Variants in GPC5 observed in about 807,000 individuals in gnomAD.
GPC5 encodes glypican-5.
Under a neutral mutation model 53.9 loss-of-function variants are expected in GPC5, and 47 were observed. The ratio of observed to expected loss-of-function variants is 0.87; its 90% CI spans 0.69 to 1.11. The LOEUF (loss-of-function observed/expected upper bound fraction) is 1.11. GPC5 is among the 50% of genes most tolerant of loss of function. The pLI is 0.00. For synonymous variants in GPC5, 286 were observed against 263.3 expected (o/e 1.09, Z -0.84); for missense variants, 748 against 713.1 (o/e 1.05, Z -0.56).
intron 6 of GPC5, among the ~76,000 whole-genome samples, chr13:91,911,726 G>T (rs2039612338): frequency 6.6e-6 from 1 of 152,150 alleles, no homozygotes; most frequent in African/African-American, 2.4e-5. Flanking sequence ...AATAAGAGTG[G>T]ATACGCTGAG....
intron 6 of GPC5, among the ~76,000 whole-genome samples, chr13:92,087,751 A>G (rs542610401): frequency 6.6e-6 from 1 of 152,244 alleles, no homozygotes; most frequent in South Asian, 2.1e-4. Context: ...CTCTGCCTTC[A>G]GCCCTTCCCA....
At chr13:92,388,700 C>G (rs939653729) in intron 7 of GPC5, among the ~76,000 whole-genome samples, 1 of 152,106 alleles carries the variant, frequency 6.6e-6, no homozygotes, top group Admixed American at 6.6e-5. Flanking sequence ...AGAAGCAGAT[C>G]TTTGCTGTGG....
intron 7 of GPC5, among the ~76,000 whole-genome samples, chr13:92,382,732 C>T (rs1268991834): frequency 2.0e-5 from 3 of 151,950 alleles, no homozygotes; most frequent in Admixed American, 6.6e-5. Context: ...GCATTATGGC[C>T]GGGCGCGGTG....
chr13:92,127,730 T>A (rs1347685710), intron 6 of GPC5, among the ~76,000 whole-genome samples: 1 of 152,206 alleles, frequency 6.6e-6, no homozygotes, highest in African/African-American at 2.4e-5. Flanking sequence ...GAGGGATGTT[T>A]AACATTGAAA....
intron 7 of GPC5, among the ~76,000 whole-genome samples, chr13:92,416,992 T>G (rs1480306504): frequency 1.3e-5 from 2 of 152,234 alleles, no homozygotes; most frequent in African/African-American, 4.8e-5. Context: ...TACGATGGTT[T>G]ATTGGGACAT....
intron 7 of GPC5, among the ~76,000 whole-genome samples, chr13:92,801,148 ATTG>A: frequency 6.6e-6 from 1 of 151,422 alleles, no homozygotes; most frequent in South Asian, 2.1e-4. Flanking sequence ...TGTGTATAAT[ATTG>A]TTATGCAACC....
At position 92,570,205 on chromosome 13, in the gene GPC5, A is replaced by G. The variant is rs1594312777; in HGVS notation, c.1562-296077A>G. ...GAAAGGAAAAATTAAAATCCTATAC[A>G]TATATTTGAAATCCCAAGAGTTAAT... On this transcript the variant is annotated intron_variant, in intron 7 of 7. Coordinates refer to ENST00000377067, the MANE Select transcript of GPC5 (RefSeq NM_004466.6). Among the ~76,000 whole-genome samples, 5 of 152,194 alleles carry G rather than the reference A, an allele frequency of 3.3e-5. No individual in the cohort carries two copies. In the East Asian group the frequency reaches 9.6e-4, roughly 29 times the overall value.
At chr13:92,778,962 GAT>G (rs199662892) in intron 7 of GPC5, among the ~76,000 whole-genome samples, 14 of 143,738 alleles carry the variant, frequency 9.7e-5, no homozygotes, top group South Asian at 9.5e-4. Flanking sequence ...ATATGTGCAA[GAT>G]ATACACACAC....
At chr13:92,548,867 C>T (rs1235919257) in intron 7 of GPC5, among the ~76,000 whole-genome samples, 1 of 151,984 alleles carries the variant, frequency 6.6e-6, no homozygotes, top group Non-Finnish European at 1.5e-5. Flanking sequence ...ATCAAAACAT[C>T]TCATGTGCCG....
intron 5 of GPC5, among the ~76,000 whole-genome samples, chr13:91,905,176 A>G (rs4773651): frequency 0.72 from 109,239 of 151,876 alleles, 39,892 homozygotes; most frequent in East Asian, 0.96. Context: ...CTATCATTAC[A>G]AATATTCAAC....
chr13:91,627,875 T>C (rs939421772), intron 2 of GPC5, among the ~76,000 whole-genome samples: 2 of 152,144 alleles, frequency 1.3e-5, no homozygotes, highest in Non-Finnish European at 2.9e-5. Flanking sequence ...ATGTATTACA[T>C]AATTCTAAGT....
chr13:92,639,886 T>C (rs549341956), intron 7 of GPC5, among the ~76,000 whole-genome samples: 14 of 152,176 alleles, frequency 9.2e-5, no homozygotes, highest in South Asian at 8.3e-4. Flanking sequence ...GAAAAGTTAA[T>C]GCTCAGAGTC....
At chr13:91,930,643 T>G (rs954315290) in intron 6 of GPC5, among the ~76,000 whole-genome samples, 3 of 151,958 alleles carry the variant, frequency 2.0e-5, no homozygotes, top group African/African-American at 7.2e-5. Flanking sequence ...CCAATAAATA[T>G]GTGAAGGTCG....
chr13:91,458,043 G>T (rs1881676981), intron 2 of GPC5, among the ~76,000 whole-genome samples: 1 of 152,116 alleles, frequency 6.6e-6, no homozygotes, highest in South Asian at 2.1e-4. Flanking sequence ...GCAGAGTGAG[G>T]GGGATGGAAA....
rs76013713 is a variant in GPC5 at position 92,038,348 on chromosome 13, C to CTAGA, written c.1402-106450_1402-106447dup. Reference sequence around the variant, plus strand: ...TTGGAGTTTATGAGCATGATCTATGCTAGATAGATAGATAGATAGATAGAT... The same window carrying CTAGA: ...TTGGAGTTTATGAGCATGATCTATGCTAGATAGATAGATAGATAGATAGATAGAT... On this transcript the variant is annotated intron_variant, in intron 6 of 7. Transcript: ENST00000377067. 1.8e-3 allele frequency among the ~76,000 whole-genome samples: 251 copies of CTAGA among 139,278 alleles called. 2 individuals carry two copies. Among genetic ancestry groups the CTAGA allele is most frequent in the African/African-American group, 6.4e-3 (237 of 37,142 alleles). The allele number at this position is 139,278 out of a possible 152,430, so 91.4% of individuals were successfully genotyped here.
intron 7 of GPC5, among the ~76,000 whole-genome samples, chr13:92,557,897 G>A (rs1213543391): frequency 2.6e-5 from 4 of 151,910 alleles, no homozygotes; most frequent in Non-Finnish European, 5.9e-5. Context: ...CCAGAGTCTG[G>A]AACAGTACCT....
intron 7 of GPC5, among the ~76,000 whole-genome samples, chr13:92,193,196 T>G (rs1309143117): frequency 6.6e-6 from 1 of 151,960 alleles, no homozygotes; most frequent in Non-Finnish European, 1.5e-5. Context: ...ATAAAAAATA[T>G]ATTGCATATT....
At chr13:92,802,975 C>G (rs1018348454) in intron 7 of GPC5, among the ~76,000 whole-genome samples, 1 of 151,814 alleles carries the variant, frequency 6.6e-6, no homozygotes, top group African/African-American at 2.4e-5. Flanking sequence ...GTATTTGGAA[C>G]CTGAAGCTAA....
In GPC5 at chr13:91,747,387, A is replaced by C. The variant is rs144481806; in HGVS notation, c.1155-8908A>C. On this transcript the variant is annotated intron_variant, in intron 4 of 7. Coordinates refer to ENST00000377067, the MANE Select transcript of GPC5 (RefSeq NM_004466.6). ...AATGAAGCAATAACTATGCTAGTCC[A>C]TGTTTCTCCCCTGCCTTCAGTAAGC... Among the ~76,000 whole-genome samples the C allele has an allele frequency of 1.4e-3, 217 of 152,312 alleles. 1 individual carries two copies. Among genetic ancestry groups the C allele is most frequent in the African/African-American group, 5.0e-3 (208 of 41,568 alleles).
Sources: allele counts gnomAD v4.1 joint callset (sites outside exome capture counted in the v4.1 genomes callset), GRCh38; gene constraint gnomAD v4.1.1; transcripts MANE v1.5; gene names NCBI Gene and HGNC (gene_info 2026-07-23, HGNC 2026-07-21).